The following NTM variants were observed in gnomAD, a reference collection of about 807,000 sequenced individuals.
NTM encodes the protein neurotrimin, also known as IgLON family member 2.
NTM carries 13 observed loss-of-function variants against 42.1 expected under a neutral mutation model. The observed-to-expected ratio is 0.31, with a 90% CI of 0.20 to 0.49. The LOEUF is 0.49. Ranked by LOEUF, NTM falls within the 20% of genes least tolerant of loss-of-function variation. The pLI, the probability that NTM is intolerant of heterozygous loss-of-function variation, is 0.99. For missense variants in NTM, 373 were observed against 452.8 expected, an observed-to-expected ratio of 0.82 and a Z score of 1.60; for synonymous variants, 187 against 179.2, an observed-to-expected ratio of 1.04 and a Z score of -0.35.
At chr11:132,124,986 A>C (rs1340844986) in intron 2 of NTM, among the ~76,000 whole-genome samples, 3 of 152,208 alleles carry the variant, frequency 2.0e-5, no homozygotes, top group African/African-American at 7.2e-5. Context: ...TGCCAGCATG[A>C]CATCCATCTC....
intron 6 of NTM, chr11:132,312,454 T>C (rs1025060111): frequency 4.6e-5 from 7 of 152,510 alleles, no homozygotes; most frequent in African/African-American, 1.7e-4. Flanking sequence ...CATTGACCAA[T>C]GAAAAGTCCA....
intron 1 of NTM, among the ~76,000 whole-genome samples, chr11:131,659,374 A>T (rs1479499176): frequency 6.6e-6 from 1 of 152,196 alleles, no homozygotes; most frequent in Non-Finnish European, 1.5e-5. Flanking sequence ...CAGGTGAGAG[A>T]GCTGCAGGGA....
intron 2 of NTM, among the ~76,000 whole-genome samples, chr11:132,092,827 A>G (rs1382098119): frequency 2.6e-5 from 4 of 152,170 alleles, no homozygotes; most frequent in African/African-American, 9.7e-5. Flanking sequence ...CCTTGGTATC[A>G]CCCCAAGTCC....
At chr11:132,015,855 G>A (rs370723924) in intron 2 of NTM, among the ~76,000 whole-genome samples, 3 of 151,690 alleles carry the variant, frequency 2.0e-5, no homozygotes, top group Admixed American at 6.6e-5. Context: ...AGATCATATC[G>A]TTTGCAAAGA....
intron 2 of NTM, among the ~76,000 whole-genome samples, chr11:132,029,066 T>C (rs886136074): frequency 6.6e-6 from 1 of 151,718 alleles, no homozygotes; most frequent in Non-Finnish European, 1.5e-5. Context: ...GTGTGGGTTT[T>C]TTTTTTTGTT....
chr11:132,092,178 T>C (rs2060452158), intron 2 of NTM, among the ~76,000 whole-genome samples: 1 of 152,248 alleles, frequency 6.6e-6, no homozygotes, highest in African/African-American at 2.4e-5. Context: ...CAATGGAACG[T>C]GATCAAATCT....
intron 2 of NTM, among the ~76,000 whole-genome samples, chr11:132,073,983 A>G (rs2058038634): frequency 6.6e-6 from 1 of 152,190 alleles, no homozygotes. Flanking sequence ...CGTGGTTGGA[A>G]TGTGTGCTAA....
At chr11:131,887,595 C>G (rs952821289) in intron 1 of NTM, among the ~76,000 whole-genome samples, 4 of 152,214 alleles carry the variant, frequency 2.6e-5, no homozygotes, top group Non-Finnish European at 5.9e-5. Flanking sequence ...AACTACAGAT[C>G]CATCTCTTCT....
In NTM at chr11:131,789,434, A is replaced by G. The variant is rs567984082; in HGVS notation, c.83-122130A>G. 1.3e-3 allele frequency among the ~76,000 whole-genome samples: 10 copies of G among 7,764 alleles called. 4 individuals carry two copies. The highest frequency in any genetic ancestry group is 5.2e-3 in the African/African-American group (10 of 1,932). 5.1% of individuals were successfully genotyped at this position (7,764 alleles called of 152,430 possible). ...TTAAAAGAAAAAAAGAAGAAGGAAG[A>G]AGAAGAAGAAGAAGAAGAAGAAGAA... On this transcript the variant is annotated intron_variant, in intron 1 of 8. Transcript: ENST00000683400.
At chr11:132,010,211 C>G (rs947511633) in intron 2 of NTM, among the ~76,000 whole-genome samples, 2 of 152,208 alleles carry the variant, frequency 1.3e-5, no homozygotes, top group Non-Finnish European at 2.9e-5. Flanking sequence ...GAAATGATTT[C>G]TCCCTCCTAT....
intron 1 of NTM, among the ~76,000 whole-genome samples, chr11:131,462,008 A>G (rs1374086274): frequency 2.6e-5 from 4 of 152,148 alleles, no homozygotes; most frequent in Admixed American, 2.0e-4. Flanking sequence ...CTTTTCAAAA[A>G]CTGGAAACAA....
intron 1 of NTM, among the ~76,000 whole-genome samples, chr11:131,750,380 G>T (rs2082335989): frequency 6.6e-6 from 1 of 152,116 alleles, no homozygotes; most frequent in African/African-American, 2.4e-5. Flanking sequence ...TGTCATTCTG[G>T]CAACAAGCTC....
intron 1 of NTM, among the ~76,000 whole-genome samples, chr11:131,507,607 G>T (rs1416545947): frequency 1.3e-5 from 2 of 150,240 alleles, no homozygotes; most frequent in African/African-American, 4.9e-5. Flanking sequence ...GTCATTGGTA[G>T]CTTGATGGGG....
intron 1 of NTM, among the ~76,000 whole-genome samples, chr11:131,848,414 C>T (rs1270389318): frequency 6.6e-6 from 1 of 152,162 alleles, no homozygotes; most frequent in Non-Finnish European, 1.5e-5. Context: ...TTTTCATCTA[C>T]ATGAAAGTCG....
At chr11:131,490,239 G>T (rs892169772) in intron 1 of NTM, among the ~76,000 whole-genome samples, 3 of 152,170 alleles carry the variant, frequency 2.0e-5, no homozygotes, top group African/African-American at 7.2e-5. Context: ...ATGAGGCGTG[G>T]TGGGGCCAAA....
intron 1 of NTM, chr11:131,536,290 A>G (rs2052205631): frequency 6.6e-6 from 1 of 152,220 alleles, no homozygotes; most frequent in African/African-American, 2.4e-5. Context: ...AGAAAAGTGG[A>G]TGCCCAGGAG....
At chr11:131,668,348 G>T (rs2069478702) in intron 1 of NTM, among the ~76,000 whole-genome samples, 1 of 151,610 alleles carries the variant, frequency 6.6e-6, no homozygotes, top group Non-Finnish European at 1.5e-5. Context: ...ATATTCCTAA[G>T]TATTCCCAGG....
chr11:132,238,500 A>G (rs1196539469), intron 4 of NTM, among the ~76,000 whole-genome samples: 1 of 152,200 alleles, frequency 6.6e-6, no homozygotes. Flanking sequence ...TGGCATCTTC[A>G]GAATCACCAC....
At chr11:131,548,762 G>T (rs1264483920) in intron 1 of NTM, among the ~76,000 whole-genome samples, 3 of 152,100 alleles carry the variant, frequency 2.0e-5, no homozygotes, top group African/African-American at 7.2e-5. Context: ...TCTAAATCCA[G>T]CAGTTAGCAC....
Sources: gnomAD v4.1 joint callset for allele counts (sites outside exome capture counted in the v4.1 genomes callset) on GRCh38, gnomAD v4.1.1 for gene constraint, MANE v1.5 for transcripts, NCBI Gene and HGNC (gene_info 2026-07-23, HGNC 2026-07-21) for gene names.